The following TOGARAM2 variants were observed in gnomAD, a reference collection of about 807,000 sequenced individuals.
TOGARAM2 encodes TOG array regulator of axonemal microtubules protein 2.
Under a neutral mutation model 93.3 loss-of-function variants are expected in TOGARAM2, and 85 were observed. The ratio of observed to expected loss-of-function variants is 0.91; its 90% CI spans 0.76 to 1.09. TOGARAM2 has a LOEUF of 1.09. Among genes scored for constraint, TOGARAM2 ranks in the 50% least tolerant of loss-of-function variants. The pLI is 0.00. For missense variants in TOGARAM2, 1,277 were observed against 1,334.5 expected (o/e 0.96, Z 0.67); for synonymous variants, 593 against 552.8 (o/e 1.07, Z -1.02).
chr2:29,008,478 A>G (rs1301961793), intron 6 of TOGARAM2, among the ~76,000 whole-genome samples: 1 of 150,882 alleles, frequency 6.6e-6, no homozygotes, highest in Admixed American at 6.6e-5. Flanking sequence ...TTTTTTTGAG[A>G]TGGAGTCTTG....
At position 29,033,483 on chromosome 2, in the gene TOGARAM2, T is replaced by C; in HGVS notation, c.2145T>C (p.Asn715=). ...AAIKQQGIED[N]DELPSAKGRK... is the part of the protein sequence containing the mutation. ...ATTTTTTCAAGGGAATAGAAGATAA[T>C]GATGAACTTCCCTCTGCCAAAGGCC... Residue 715 remains asparagine, a synonymous_variant, in exon 16 of 20, where the codon AAT becomes AAC. Transcript: ENST00000379558. The C allele has an allele frequency of 6.2e-7, 1 of 1,613,374 alleles. No homozygotes were observed.
chr2:29,011,421 C>T, intron 6 of TOGARAM2, 34 bp from the exon 7 acceptor site: 4 of 1,608,724 alleles, frequency 2.5e-6, no homozygotes, highest in Non-Finnish European at 2.5e-6. Flanking sequence ...CTGGCCATCC[C>T]TCATGATGCT....
intron 14 of TOGARAM2, among the ~76,000 whole-genome samples, chr2:29,028,540 A>G (rs1665550466): frequency 6.6e-6 from 1 of 152,200 alleles, no homozygotes; most frequent in Non-Finnish European, 1.5e-5. Context: ...ATGATAGCTC[A>G]TCATTGTTTT....
intron 1 of TOGARAM2, among the ~76,000 whole-genome samples, chr2:28,961,499 G>A (rs1206114337): frequency 1.3e-5 from 2 of 151,866 alleles, no homozygotes; most frequent in Non-Finnish European, 2.9e-5. Context: ...CCGCCACCAT[G>A]CCCGGCTAAT....
Position 29,045,328 on chromosome 2 carries a change from C to T in TOGARAM2, c.2640C>T (p.Asn880=), listed in dbSNP as rs765160236. 6.2e-7 allele frequency: 1 copy of T among 1,612,936 alleles called. No individual in the cohort carries two copies. The highest frequency in any genetic ancestry group is 8.5e-7 in the Non-Finnish European group (1 of 1,179,712). Residue 880 remains asparagine, a synonymous_variant, in exon 19 of 20, where the codon AAC becomes AAT. Transcript: ENST00000379558. The part of the protein sequence containing the change: ...VLDAMVESLD[N]LCLLPALAGR... ...GACATCCCCCTTCTCTTTCAGACAACCTTTGCCTTCTACCAGCGCTTGCTG... is the reference window on the plus strand; with the variant it reads ...GACATCCCCCTTCTCTTTCAGACAATCTTTGCCTTCTACCAGCGCTTGCTG...
rs114464050 is a variant in TOGARAM2 at position 29,022,220 on chromosome 2, G to T, written c.1423G>T (p.Asp475Tyr). ...SPEWEEEEEM[D>Y]LRACKELRPF... ...TGAATGGGAAGAAGAGGAGGAGATG[G>T]ATCTTAGAGCCTGTAAGGAGTTGAG... Residue 475 changes from aspartate (D) to tyrosine (Y), a missense_variant, in exon 11 of 20, where the codon GAT becomes TAT. Coordinates refer to ENST00000379558, the MANE Select transcript of TOGARAM2 (RefSeq NM_199280.4). The T allele has an allele frequency of 2.5e-3, 3,955 of 1,614,044 alleles. 92 individuals are homozygous for T. The African/African-American group carries it at 0.045, about 18-fold the overall frequency.
At chr2:28,977,062 C>T (rs1243733249), upstream of TOGARAM2, among the ~76,000 whole-genome samples, 1 of 152,216 alleles carries the variant, frequency 6.6e-6, no homozygotes, top group East Asian at 1.9e-4. Flanking sequence ...CAGCCTTTCT[C>T]CTCAGCCTGG....
intron 6 of TOGARAM2, among the ~76,000 whole-genome samples, chr2:29,007,176 C>T (rs1320985415): frequency 6.6e-6 from 1 of 152,134 alleles, no homozygotes; most frequent in African/African-American, 2.4e-5. Flanking sequence ...GTTCACATCT[C>T]CTGCTCTAGC....
At chr2:29,020,428 G>A (rs1334592857) in intron 10 of TOGARAM2, among the ~76,000 whole-genome samples, 3 of 152,228 alleles carry the variant, frequency 2.0e-5, no homozygotes, top group Non-Finnish European at 4.4e-5. Context: ...GTTAGTTTAG[G>A]TGAGCTCAGC....
rs140613697 is a variant in TOGARAM2, at chr2:28,986,911, G to A, written c.-111+5373G>A. 1.2e-3 allele frequency among the ~76,000 whole-genome samples: 185 copies of A among 152,124 alleles called. 1 individual carries two copies. The highest frequency in any genetic ancestry group is 4.1e-3 in the African/African-American group (169 of 41,466). ...AGATAGATATTATTATTTCCATTTC[G>A]CAGTTAAATGGAGACTCAGAGAACT... On this transcript the variant is annotated intron_variant, in intron 1 of 19. Coordinates refer to ENST00000379558, the MANE Select transcript of TOGARAM2 (RefSeq NM_199280.4).
At chr2:29,026,244 G>C (rs551236654) in intron 13 of TOGARAM2, among the ~76,000 whole-genome samples, 1 of 152,084 alleles carries the variant, frequency 6.6e-6, no homozygotes, top group South Asian at 2.1e-4. Flanking sequence ...TTTTTTTTCT[G>C]GAGATACTTA....
chr2:29,017,336 G>T (rs780776946), intron 9 of TOGARAM2, 32 bp downstream of exon 9: 173 of 1,534,334 alleles, frequency 1.1e-4, no homozygotes, highest in Non-Finnish European at 1.4e-4. Flanking sequence ...ATTTGCTCAG[G>T]CCTGGGGAGC....
At chr2:29,005,753 G>GAGCACA (rs1304587095) in intron 6 of TOGARAM2, among the ~76,000 whole-genome samples, 8 of 12,826 alleles carry the variant, frequency 6.2e-4, no homozygotes, top group African/African-American at 9.4e-4. Flanking sequence ...ATGTGTGTAT[G>GAGCACA]TGTGTGTGTG....
chr2:28,982,427 C>T (rs1031593721), intron 1 of TOGARAM2, among the ~76,000 whole-genome samples: 6 of 152,138 alleles, frequency 3.9e-5, no homozygotes, highest in Non-Finnish European at 5.9e-5. Flanking sequence ...TGCCTGGCCC[C>T]AGGAAGTGGT....
At chr2:28,990,375 C>T (rs1672662391) in intron 1 of TOGARAM2, among the ~76,000 whole-genome samples, 1 of 152,166 alleles carries the variant, frequency 6.6e-6, no homozygotes, top group African/African-American at 2.4e-5. Flanking sequence ...AATGCCATTC[C>T]TCTCCTTGCA....
intron 14 of TOGARAM2, among the ~76,000 whole-genome samples, chr2:29,030,607 A>C (rs1279825144): frequency 6.6e-6 from 1 of 152,120 alleles, no homozygotes; most frequent in Non-Finnish European, 1.5e-5. Context: ...TGGTGACTAC[A>C]TTTCCTTTTC....
chr2:28,997,340 T>C (rs769309111), intron 2 of TOGARAM2, among the ~76,000 whole-genome samples: 2 of 152,228 alleles, frequency 1.3e-5, no homozygotes, highest in Non-Finnish European at 2.9e-5. Flanking sequence ...CCCCTCCTCT[T>C]TCCTGACTCC....
chr2:28,969,068 C>T (rs1365846086), intron 1 of TOGARAM2, among the ~76,000 whole-genome samples: 1 of 152,032 alleles, frequency 6.6e-6, no homozygotes, highest in Non-Finnish European at 1.5e-5. Context: ...TTGGTCTCAC[C>T]AGAAGAATAT....
intron 1 of TOGARAM2, among the ~76,000 whole-genome samples, chr2:28,982,736 C>A (rs1355581822): frequency 3.9e-5 from 6 of 152,184 alleles, no homozygotes. Flanking sequence ...AGCACAGAGG[C>A]TGGAAGTTTA....
Sources: gnomAD v4.1 joint callset for allele counts (sites outside exome capture counted in the v4.1 genomes callset) on GRCh38, gnomAD v4.1.1 for gene constraint, MANE v1.5 for transcripts, NCBI Gene and HGNC (gene_info 2026-07-23, HGNC 2026-07-21) for gene names.